Variants in MRPL2 observed in about 807,000 individuals in gnomAD.
MRPL2 encodes the protein mitochondrial ribosomal protein L2, also known as large ribosomal subunit protein uL2m.
In MRPL2, 27 loss-of-function variants were observed where a neutral mutation model predicts 34.6. That is an observed-to-expected ratio of 0.78 (90% CI 0.58 to 1.08). The LOEUF (loss-of-function observed/expected upper bound fraction) is 1.08. Ranked by LOEUF, MRPL2 falls within the 50% of genes least tolerant of loss-of-function variation. The probability of loss-of-function intolerance (pLI) is 0.00; values close to 1 mark genes in which losing one functional copy is unlikely to be tolerated. For missense variants in MRPL2, 414 were observed against 419.3 expected, an observed-to-expected ratio of 0.99 and a Z score of 0.11; for synonymous variants, 155 against 158.0, an observed-to-expected ratio of 0.98 and a Z score of 0.14.
At chr6:43,059,020 T>C (rs1764986486) in intron 1 of MRPL2, 3 of 974,792 alleles carry the variant, frequency 3.1e-6, no homozygotes, top group Middle Eastern at 2.3e-4. Flanking sequence ...ACCTGGCTTA[T>C]CATAGGCACT....
upstream of MRPL2, chr6:43,059,737 T>C (rs1765035340): frequency 3.6e-5 from 44 of 1,238,028 alleles, no homozygotes; most frequent in South Asian, 1.5e-4. Flanking sequence ...CTGCCATCTC[T>C]TATTCTCGCA....
chr6:43,055,255 G>C (rs971200896), intron 6 of MRPL2, among the ~76,000 whole-genome samples: 1 of 152,066 alleles, frequency 6.6e-6, no homozygotes, highest in Non-Finnish European at 1.5e-5. Flanking sequence ...CCAGCTACTC[G>C]GGAGGCTGAG....
Position 43,054,441 on chromosome 6 carries a change from C to G in MRPL2, c.751G>C (p.Asp251His), listed in dbSNP as rs201761287. ...VATVGRVSNV[D>H]HNKRVIGKAG... The stretch of plus-strand genomic sequence containing the variant: ...TTGCCAATGACCCGTTTGTTATGAT[C>G]AACGTTGGATACTCGGCCTACTGTT... Residue 251 changes from aspartate (D) to histidine (H), a missense_variant, in exon 7 of 7, where the codon GAT becomes CAT. Transcript: ENST00000388752. 20 of 1,614,226 alleles carry G rather than the reference C, an allele frequency of 1.2e-5. No homozygotes were observed. Among genetic ancestry groups the G allele is most frequent in the Middle Eastern group, 1.6e-4 (1 of 6,062 alleles).
At chr6:43,056,259 A>G in intron 3 of MRPL2, 48 bp downstream of exon 3, 1 of 1,613,112 alleles carries the variant, frequency 6.2e-7, no homozygotes, top group Non-Finnish European at 8.5e-7. Context: ...CTGAGAAGCT[A>G]TGGAGTTATT....
rs1561905723 is a variant in MRPL2 at position 43,056,383 on chromosome 6, G to GA, written c.327dup (p.Leu110SerfsTer6). 1 of 1,614,204 alleles carries GA rather than the reference G, an allele frequency of 6.2e-7. No homozygotes were observed. Among genetic ancestry groups the GA allele is most frequent in the South Asian group, 1.1e-5 (1 of 91,086 alleles). Reference sequence around the variant, plus strand: ...TTGGTCTCCTCAGGCCGGAAACGCAGAAAGTCAATCATTCGATAACGTTGC... The same window carrying GA: ...TTGGTCTCCTCAGGCCGGAAACGCAGAAAAGTCAATCATTCGATAACGTTGC... On this transcript the variant is annotated frameshift_variant, in exon 3 of 7. Transcript: ENST00000388752. LOFTEE classifies it high-confidence loss of function.
At chr6:43,057,952 C>T (rs975934900) in intron 2 of MRPL2, 113 bp downstream of exon 2, 7 of 1,271,940 alleles carry the variant, frequency 5.5e-6, no homozygotes, top group African/African-American at 4.5e-5. Context: ...CAAATAAGTG[C>T]TTTTTAATTA....
rs754684081 is a variant in MRPL2 at position 43,054,250 on chromosome 6, GC to G, written c.*23del. The G allele has an allele frequency of 4.8e-4, 608 of 1,270,100 alleles. 1 individual carries two copies. In the South Asian group the frequency reaches 8.2e-3, roughly 17 times the overall value. 78.7% of individuals were successfully genotyped at this position (1,270,100 alleles called of 1,614,324 possible). A position where few individuals can be genotyped will look rare whatever the true frequency, so the allele number is the denominator to read the frequency against. ...TAACAGATTAAAACGGGGGGGGGGG[GC>G]ATTTTATTAGAGTACAGGGATATCA... On this transcript the variant is annotated 3_prime_UTR_variant, in exon 7 of 7. Coordinates refer to ENST00000388752, the MANE Select transcript of MRPL2 (RefSeq NM_015950.5).
Position 43,059,384 on chromosome 6 carries a change from G to T in MRPL2, c.-3C>A, listed in dbSNP as rs537577876. On this transcript the variant is annotated 5_prime_UTR_variant, in exon 1 of 7. The change creates a new upstream start codon in the 5' untranslated region. Coordinates refer to ENST00000388752, the MANE Select transcript of MRPL2 (RefSeq NM_015950.5). ...CGGGTCAGTGCGCACAGGGCCATCA[G>T]CACGACACCCTTACTTTTAGCCAAG... is the stretch of plus-strand genomic sequence containing the variant. 1 of 1,543,830 alleles carries T rather than the reference G, an allele frequency of 6.5e-7. No individual in the cohort carries two copies. The highest frequency in any genetic ancestry group is 8.8e-7 in the Non-Finnish European group (1 of 1,141,644).
chr6:43,058,896 ATAGT>A (rs746042819), intron 1 of MRPL2: 44 of 498,906 alleles, frequency 8.8e-5, no homozygotes, highest in Admixed American at 2.8e-4. Context: ...TTTAGCTCTG[ATAGT>A]TGGTGTGTGA....
upstream of MRPL2, chr6:43,059,720 A>C (rs886515223): frequency 1.3e-5 from 17 of 1,271,142 alleles, no homozygotes; most frequent in African/African-American, 2.3e-4. Context: ...GCTGAAGGTT[A>C]AGGTCTCTGC....
At chr6:43,056,836 A>C (rs1214978355) in intron 2 of MRPL2, among the ~76,000 whole-genome samples, 7 of 151,146 alleles carry the variant, frequency 4.6e-5, no homozygotes, top group Non-Finnish European at 1.0e-4. Context: ...CACCACGCCC[A>C]GCTAAGTTTT....
intron 2 of MRPL2, chr6:43,057,609 G>T: frequency 6.2e-6 from 1 of 161,336 alleles, no homozygotes; most frequent in East Asian, 1.8e-4. Flanking sequence ...CTCTCAAAGT[G>T]TTGGGATTAC....
At chr6:43,059,233 C>T (rs1764998551) in intron 1 of MRPL2, 53 bp downstream of exon 1, 1 of 1,551,004 alleles carries the variant, frequency 6.4e-7, no homozygotes, top group South Asian at 1.2e-5. Flanking sequence ...CCGCAGACCC[C>T]ATCTCCGGCA....
chr6:43,059,399 T>C lies in MRPL2; in HGVS notation c.-18A>G, dbSNP rs1368639883. ...AGGGCCATCAGCACGACACCCTTACTTTTAGCCAAGCTGCTCGGTGCTCCT... is the reference window on the plus strand; with the variant it reads ...AGGGCCATCAGCACGACACCCTTACCTTTAGCCAAGCTGCTCGGTGCTCCT... On this transcript the variant is annotated 5_prime_UTR_variant, in exon 1 of 7. Transcript: ENST00000388752. 3.3e-6 allele frequency: 5 copies of C among 1,530,882 alleles called. No homozygotes were observed. The highest frequency in any genetic ancestry group is 4.9e-5 in the East Asian group (2 of 40,562). The allele number at this position is 1,530,882 out of a possible 1,614,324, so 94.8% of individuals were successfully genotyped here.
At chr6:43,057,182 T>A (rs1299297154) in intron 2 of MRPL2, among the ~76,000 whole-genome samples, 1 of 151,936 alleles carries the variant, frequency 6.6e-6, no homozygotes, top group Non-Finnish European at 1.5e-5. Context: ...CGGCCGGTTA[T>A]AAATATATAT....
rs149541201 is a variant in MRPL2 at position 43,056,546 on chromosome 6, T to C, written c.266-101A>G. 657 of 1,410,858 alleles carry C rather than the reference T, an allele frequency of 4.7e-4. 5 individuals are homozygous for C. The highest frequency in any genetic ancestry group is 3.2e-3 in the South Asian group (255 of 79,264). 87.4% of individuals were successfully genotyped at this position (1,410,858 alleles called of 1,614,324 possible). A position where few individuals can be genotyped will look rare whatever the true frequency, so the allele number is the denominator to read the frequency against. On this transcript the variant is annotated intron_variant, in intron 2 of 6. Transcript: ENST00000388752. The stretch of plus-strand genomic sequence containing the variant: ...CTCTGCCAGAGAGCAGTGCTTAGCA[T>C]TGTGGCACAAGCAGAAATGATAAAA...
In MRPL2 at chr6:43,056,116, G is replaced by C; in HGVS notation, c.485C>G (p.Thr162Arg). The C allele has an allele frequency of 1.2e-6, 2 of 1,614,182 alleles. No individual in the cohort carries two copies. Among genetic ancestry groups the C allele is most frequent in the South Asian group, 1.1e-5 (1 of 91,084 alleles). Reference protein sequence around the residue: ...IATENMQAGDTILNSNHIGRM... With the variant: ...IATENMQAGDRILNSNHIGRM... The stretch of plus-strand genomic sequence containing the variant: ...GCCTATGTGGTTAGAGTTCAAGATT[G>C]TATCTCCAGCCTGCATGTTTTCTGT... The change falls in exon 4 of 7, where the codon ACA (threonine) becomes AGA (arginine). Residue 162 changes from threonine (T) to arginine (R), a missense_variant. Physicochemically the swap from Thr to Arg is moderately conservative, Grantham distance 71 (BLOSUM62 -1). Transcript: ENST00000388752.
At chr6:43,059,202 C>G (rs1013561391) in intron 1 of MRPL2, 84 bp downstream of exon 1, 76 of 1,550,714 alleles carry the variant, frequency 4.9e-5, no homozygotes, top group Non-Finnish European at 6.2e-5. Context: ...TGACCAGACT[C>G]GCAACTCCCG....
Position 43,058,243 on chromosome 6 carries a change from A to C in MRPL2, c.97-10T>G, listed in dbSNP as rs1764946756. ...GGCCATTGTTCATCATCTAGGGATA[A>C]AAAGACATCTCTTTCATTTGAAAGC... On this transcript the variant is annotated splice_polypyrimidine_tract_variant and intron_variant, in intron 1 of 6. Transcript: ENST00000388752. 1.2e-6 allele frequency: 2 copies of C among 1,612,618 alleles called. No homozygotes were observed. Among genetic ancestry groups the C allele is most frequent in the East Asian group, 4.5e-5 (2 of 44,850 alleles).
Sources: gnomAD v4.1 joint callset for allele counts (sites outside exome capture counted in the v4.1 genomes callset) on GRCh38, gnomAD v4.1.1 for gene constraint, MANE v1.5 for transcripts, NCBI Gene and HGNC (gene_info 2026-07-23, HGNC 2026-07-21) for gene names.